The following PC variants were observed in gnomAD, a reference collection of about 807,000 sequenced individuals.
PC encodes pyruvate carboxylase.
Under a neutral mutation model 107.8 loss-of-function variants are expected in PC, and 46 were observed. The observed-to-expected ratio is 0.43, with a 90% confidence interval of 0.34 to 0.55. The LOEUF (loss-of-function observed/expected upper bound fraction) is 0.55, where lower values mean the gene tolerates loss of function less well. Among genes scored for constraint, PC ranks in the 20% least tolerant of loss-of-function variants. The pLI is 0.04. For synonymous variants in PC, 662 were observed against 684.7 expected, an observed-to-expected ratio of 0.97 and a Z score of 0.52; for missense variants, 1,241 against 1,643.1, an observed-to-expected ratio of 0.76 and a Z score of 4.23.
intron 3 of PC, among the ~76,000 whole-genome samples, chr11:66,910,171 G>A (rs922988786): frequency 6.6e-6 from 1 of 152,140 alleles, no homozygotes; most frequent in Non-Finnish European, 1.5e-5. Context: ...CCTGGCGAAC[G>A]AGTCGCTCAC....
At chr11:66,868,757 C>G (rs1025006950) in intron 10 of PC, 89 bp downstream of exon 10, 10 of 972,324 alleles carry the variant, frequency 1.0e-5, no homozygotes, top group Non-Finnish European at 1.7e-5. Context: ...TGAGCAAGCC[C>G]CCTGGCTGGC....
chr11:66,941,828 C>T (rs1006136746), intron 3 of PC, among the ~76,000 whole-genome samples: 4 of 151,938 alleles, frequency 2.6e-5, no homozygotes, highest in East Asian at 2.0e-4. Flanking sequence ...TCCGGCCAGG[C>T]GCAGTGGCTC....
chr11:66,866,113 A>G lies in PC; in HGVS notation c.1185+74T>C. On this transcript the variant is annotated intron_variant, in intron 11 of 22. Transcript: ENST00000393960. The surrounding 1 kb of genome is among the most constrained non-coding windows in gnomAD (Gnocchi z 5.4). ...AACTGCCGGGCTGTGGCAACTTGGC[A>G]CTGCAGCCCCAGGCACCAGGCAGAA... 6.5e-7 allele frequency: 1 copy of G among 1,529,158 alleles called. No homozygotes were observed. Among genetic ancestry groups the G allele is most frequent in the Non-Finnish European group, 8.9e-7 (1 of 1,125,408 alleles). The allele number at this position is 1,529,158 out of a possible 1,614,324, so 94.7% of individuals were successfully genotyped here. A position where few individuals can be genotyped will look rare whatever the true frequency, so the allele number is the denominator to read the frequency against.
chr11:66,943,145 T>C (rs920953236), intron 3 of PC, among the ~76,000 whole-genome samples: 9 of 151,426 alleles, frequency 5.9e-5, no homozygotes, highest in Non-Finnish European at 1.2e-4. Context: ...CTTGAGGAGG[T>C]TGTCATGAGG....
intron 3 of PC, among the ~76,000 whole-genome samples, chr11:66,892,484 G>A (rs554833240): frequency 1.3e-5 from 2 of 152,314 alleles, no homozygotes; most frequent in Admixed American, 1.3e-4. Flanking sequence ...CAAGCTACTC[G>A]TTTGCCACAG....
At chr11:66,881,775 G>A (rs1489822222) in intron 3 of PC, among the ~76,000 whole-genome samples, 1 of 152,212 alleles carries the variant, frequency 6.6e-6, no homozygotes, top group African/African-American at 2.4e-5. Context: ...GGGACCAGGT[G>A]CAGTGGGATT....
intron 12 of PC, 128 bp from the exon 13 acceptor site, chr11:66,853,511 C>A: frequency 9.3e-7 from 1 of 1,075,322 alleles, no homozygotes; most frequent in Non-Finnish European, 1.4e-6. Flanking sequence ...GGCCTCCCTG[C>A]AGAGGGGCAC....
chr11:66,857,785 C>T lies in PC; in HGVS notation c.1369-4402G>A. The T allele has an allele frequency of 1.3e-6, 2 of 1,596,568 alleles. No homozygotes were observed. Among genetic ancestry groups the T allele is most frequent in the Non-Finnish European group, 1.7e-6 (2 of 1,178,094 alleles). On this transcript the variant is annotated intron_variant, in intron 12 of 22. Transcript: ENST00000393960. This position sits in a 1 kb window ranked among gnomAD's most constrained non-coding sequence, Gnocchi z 7.1. Reference sequence around the variant, plus strand: ...CTGCTGCTGCTGCTGGCCAGTGGAGCGGCCGCCTGCCCGCTGCCCTGCGTC... The same window carrying T: ...CTGCTGCTGCTGCTGGCCAGTGGAGTGGCCGCCTGCCCGCTGCCCTGCGTC...
intron 3 of PC, among the ~76,000 whole-genome samples, chr11:66,947,400 AGTGAAAC>A (rs904120292): frequency 6.6e-6 from 1 of 151,522 alleles, no homozygotes; most frequent in African/African-American, 2.4e-5. Flanking sequence ...TGGCTAACAC[AGTGAAAC>A]CCCGTCTCTA....
chr11:66,949,295 CAGA>C (rs1949382070), intron 3 of PC, among the ~76,000 whole-genome samples: 1 of 151,786 alleles, frequency 6.6e-6, no homozygotes, highest in Non-Finnish European at 1.5e-5. Flanking sequence ...CATGCCCGGC[CAGA>C]AGAATTATTA....
Position 66,871,641 on chromosome 11 carries a change from C to T in PC, c.321+46G>A, listed in dbSNP as rs775884043. The stretch of plus-strand genomic sequence containing the variant: ...CAAGAGACCCCCGCGGCAACTAAGA[C>T]TCCCTGGTCCCTGCTGTCCAGGCCC... On this transcript the variant is annotated intron_variant, in intron 5 of 22. Coordinates refer to ENST00000393960, the MANE Select transcript of PC (RefSeq NM_001040716.2). The surrounding 1 kb of genome is among the most constrained non-coding windows in gnomAD (Gnocchi z 7.4). The T allele has an allele frequency of 1.3e-6, 2 of 1,562,444 alleles. No homozygotes were observed. Among genetic ancestry groups the T allele is most frequent in the South Asian group, 1.2e-5 (1 of 86,320 alleles).
intron 3 of PC, among the ~76,000 whole-genome samples, chr11:66,884,458 T>C (rs1336575105): frequency 1.3e-5 from 2 of 152,002 alleles, no homozygotes; most frequent in Admixed American, 1.3e-4. Context: ...TACCTAGAAA[T>C]ATTATGGAGC....
In PC at chr11:66,871,306, T is replaced by C; in HGVS notation, c.487+9A>G. ...GCGGGGCCACCCCTTGCTTGCCCGTTATATTCACCCGCAGCAATGGCGATG... is the reference window on the plus strand; with the variant it reads ...GCGGGGCCACCCCTTGCTTGCCCGTCATATTCACCCGCAGCAATGGCGATG... On this transcript the variant is annotated intron_variant, in intron 6 of 22. Coordinates refer to ENST00000393960, the MANE Select transcript of PC (RefSeq NM_001040716.2). This position sits in a 1 kb window ranked among gnomAD's most constrained non-coding sequence, Gnocchi z 7.4. 1 of 1,614,030 alleles carries C rather than the reference T, an allele frequency of 6.2e-7. No individual in the cohort carries two copies. The highest frequency in any genetic ancestry group is 8.5e-7 in the Non-Finnish European group (1 of 1,180,036).
intron 3 of PC, among the ~76,000 whole-genome samples, chr11:66,903,075 T>C (rs1948019943): frequency 1.3e-5 from 2 of 152,118 alleles, no homozygotes. Flanking sequence ...AATATAACAG[T>C]TCCTCCTCAG....
chr11:66,932,693 G>A (rs759250142), intron 3 of PC, among the ~76,000 whole-genome samples: 5 of 152,102 alleles, frequency 3.3e-5, no homozygotes, highest in Non-Finnish European at 5.9e-5. Context: ...GCTAGCCATC[G>A]GGGAAAGAAA....
Position 66,852,617 on chromosome 11 carries a change from C to T in PC, c.1647G>A (p.Gly549=), listed in dbSNP as rs763282432. The change falls in exon 15 of 23, where the codon GGG becomes GGA. Residue 549 remains glycine (G), a synonymous_variant. Coordinates refer to ENST00000393960, the MANE Select transcript of PC (RefSeq NM_001040716.2). The surrounding 1 kb of genome is among the most constrained non-coding windows in gnomAD (Gnocchi z 4.7). ...AGFRDILLRE[G]PEGFARAVRN... ...GCACAGCTCGAGCAAAGCCCTCAGG[C>T]CCCTCTCGCAGCAGGATGTCTCTGA... 8.1e-6 allele frequency: 13 copies of T among 1,613,830 alleles called. No individual in the cohort carries two copies. The highest frequency in any genetic ancestry group is 1.1e-5 in the Non-Finnish European group (13 of 1,179,930).
At chr11:66,935,464 T>C (rs913485423) in intron 3 of PC, among the ~76,000 whole-genome samples, 2 of 152,170 alleles carry the variant, frequency 1.3e-5, no homozygotes, top group Admixed American at 1.3e-4. Context: ...AGACTCCCAG[T>C]TGGCCACAAG....
At chr11:66,863,536 A>C (rs1406198664) in intron 12 of PC, among the ~76,000 whole-genome samples, 2 of 152,158 alleles carry the variant, frequency 1.3e-5, no homozygotes, top group Non-Finnish European at 2.9e-5. Context: ...TGTGAGGACG[A>C]GCTCCGGCCA....
In PC at chr11:66,936,993, C is replaced by T. The variant is rs929968149; in HGVS notation, c.-1+15437G>A. On this transcript the variant is annotated intron_variant, in intron 3 of 22. Coordinates refer to ENST00000393960, the MANE Select transcript of PC (RefSeq NM_001040716.2). ...AAGTAGCTGGGACTACAGGTATGCA[C>T]CACCACGCCTGGCTAATTTTTGTAT... is the stretch of plus-strand genomic sequence containing the variant. 3.9e-5 allele frequency among the ~76,000 whole-genome samples: 6 copies of T among 152,118 alleles called. No homozygotes were observed. In the South Asian group the frequency reaches 1.2e-3, roughly 32 times the overall value.
Sources: allele counts gnomAD v4.1 joint callset (sites outside exome capture counted in the v4.1 genomes callset), GRCh38; gene constraint gnomAD v4.1.1; non-coding constraint Gnocchi (gnomAD v3.1); transcripts MANE v1.5; gene names NCBI Gene and HGNC (gene_info 2026-07-23, HGNC 2026-07-21).